LAP3: variants seen among roughly 807,000 people sequenced by gnomAD.
The protein encoded by LAP3 is cytosol aminopeptidase.
LAP3 carries 46 observed loss-of-function variants against 58.8 expected under a neutral mutation model. That is an observed-to-expected ratio of 0.78 (90% CI 0.62 to 1.00). The LOEUF (loss-of-function observed/expected upper bound fraction) is 1.00, where lower values mean the gene tolerates loss of function less well. Among genes scored for constraint, LAP3 ranks in the 50% least tolerant of loss-of-function variants. The probability of loss-of-function intolerance (pLI) is 0.00; values close to 1 mark genes in which losing one functional copy is unlikely to be tolerated. For missense variants in LAP3, 615 were observed against 659.1 expected, an observed-to-expected ratio of 0.93 and a Z score of 0.73; for synonymous variants, 257 against 237.7, an observed-to-expected ratio of 1.08 and a Z score of -0.75.
intron 4 of LAP3, 167 bp from the exon 5 acceptor site, chr4:17,583,316 C>T (rs1451041372): frequency 1.8e-5 from 13 of 730,986 alleles, no homozygotes; most frequent in African/African-American, 3.5e-5. Flanking sequence ...AATGCACTCA[C>T]GTCTTCATTT....
chr4:17,601,395 T>C (rs1219277769), intron 10 of LAP3, among the ~76,000 whole-genome samples: 2 of 152,222 alleles, frequency 1.3e-5, no homozygotes, highest in Non-Finnish European at 2.9e-5. Context: ...CTGCCATTTT[T>C]TATTACTTTA....
At chr4:17,604,481 TGAG>T (rs1714067070) in intron 10 of LAP3, 104 bp from the exon 11 acceptor site, 4 of 709,018 alleles carry the variant, frequency 5.6e-6, no homozygotes, top group Non-Finnish European at 1.0e-5. Context: ...TTTTTGAAAA[TGAG>T]GAAGCCATTA....
At chr4:17,582,547 A>G (rs1289465933) in intron 4 of LAP3, 154 bp downstream of exon 4, 4 of 619,396 alleles carry the variant, frequency 6.5e-6, no homozygotes, top group African/African-American at 1.9e-5. Flanking sequence ...CTTGCTGAAT[A>G]TGGTTGGCCT....
At chr4:17,592,395 C>T (rs1003102620) in intron 7 of LAP3, among the ~76,000 whole-genome samples, 1 of 152,184 alleles carries the variant, frequency 6.6e-6, no homozygotes, top group African/African-American at 2.4e-5. Context: ...TCATGTCAGC[C>T]ATTCTTCTTT....
At position 17,600,560 on chromosome 4, in the gene LAP3, T is replaced by C. The variant is rs146788540; in HGVS notation, c.1180+2002T>C. Among the ~76,000 whole-genome samples, 168 of 152,290 alleles carry C rather than the reference T, an allele frequency of 1.1e-3. 1 individual carries two copies. Among genetic ancestry groups the C allele is most frequent in the African/African-American group, 3.6e-3 (148 of 41,568 alleles). On this transcript the variant is annotated intron_variant, in intron 10 of 12. Transcript: ENST00000226299. ...TTGGGGAATACTTTTCCTAGATGCTTAATAGCAGCATTCTACCCCACTTTT... is the reference window on the plus strand; with the variant it reads ...TTGGGGAATACTTTTCCTAGATGCTCAATAGCAGCATTCTACCCCACTTTT...
Position 17,607,506 on chromosome 4 carries a change from C to G in LAP3, c.1477C>G (p.Pro493Ala), listed in dbSNP as rs1714171851. 1 of 1,613,986 alleles carries G rather than the reference C, an allele frequency of 6.2e-7. No homozygotes were observed. Among genetic ancestry groups the G allele is most frequent in the Non-Finnish European group, 8.5e-7 (1 of 1,180,010 alleles). Residue 493 changes from proline (P) to alanine (A), a missense_variant, in exon 13 of 13, where the codon CCC (proline) becomes GCC (alanine). Pro to Ala is a conservative substitution (Grantham distance 27, BLOSUM62 -1). Coordinates refer to ENST00000226299, the MANE Select transcript of LAP3 (RefSeq NM_015907.3). ...AGVMTNKDEV[P>A]YLRKGMTGRP... ...CGTGATGACCAACAAAGATGAAGTT[C>G]CCTATCTACGGAAAGGCATGACTGG...
rs201119875 is a variant in LAP3, at chr4:17,598,499, C to T, written c.1121C>T (p.Ala374Val). The change falls in exon 10 of 13, where the codon GCG becomes GTG. Residue 374 changes from alanine (A) to valine (V), a missense_variant. By Grantham distance (64) the Ala-to-Val change is moderately conservative. Transcript: ENST00000226299. ...GAGGGGAGGCTCATACTGGCTGATG[C>T]GCTCTGTTACGCACACACGTTTAAC... is the stretch of plus-strand genomic sequence containing the variant. ...DAEGRLILAD[A>V]LCYAHTFNPK... 1.0e-4 allele frequency: 165 copies of T among 1,614,096 alleles called. 1 individual carries two copies. The highest frequency in any genetic ancestry group is 8.0e-4 in the Admixed American group (48 of 60,010).
intron 1 of LAP3, among the ~76,000 whole-genome samples, chr4:17,579,241 G>C (rs1713287911): frequency 6.6e-6 from 1 of 152,086 alleles, no homozygotes; most frequent in African/African-American, 2.4e-5. Flanking sequence ...AGAAGATAAG[G>C]GTGAGTTCAG....
chr4:17,604,531 G>C lies in LAP3; in HGVS notation c.1181-57G>C. Reference sequence around the variant, plus strand: ...TGCTAAGGTTTCCATCTGGGTGGCGGAGGAGCCCATTTTGCCTGGAGAGAC... The same window carrying C: ...TGCTAAGGTTTCCATCTGGGTGGCGCAGGAGCCCATTTTGCCTGGAGAGAC... On this transcript the variant is annotated intron_variant, in intron 10 of 12. Transcript: ENST00000226299. 3.1e-6 allele frequency: 4 copies of C among 1,278,250 alleles called. No homozygotes were observed. In the South Asian group the frequency reaches 4.8e-5, roughly 15 times the overall value. 79.2% of individuals were successfully genotyped at this position (1,278,250 alleles called of 1,614,324 possible). A position where few individuals can be genotyped will look rare whatever the true frequency, so the allele number is the denominator to read the frequency against.
chr4:17,591,368 C>G (rs1713686324), intron 7 of LAP3, among the ~76,000 whole-genome samples: 1 of 150,362 alleles, frequency 6.7e-6, no homozygotes, highest in Non-Finnish European at 1.5e-5. Context: ...GTCTCAAACT[C>G]CTGATCTCGT....
At chr4:17,582,209 T>C in intron 3 of LAP3, 79 bp from the exon 4 acceptor site, 1 of 1,103,128 alleles carries the variant, frequency 9.1e-7, no homozygotes, top group Non-Finnish European at 1.4e-6. Context: ...GCTCAGTGAG[T>C]CTCCACATGT....
Position 17,579,940 on chromosome 4 carries a change from G to T in LAP3, c.218+1G>T. ...GAAAGCTGAGAGAGACTTTGAACAT[G>T]TAAGTGTTGCTTGTGGGCTCTAGTT... On this transcript the variant is annotated splice_donor_variant, in intron 2 of 12. Transcript: ENST00000226299. LOFTEE classifies it high-confidence loss of function. 1.3e-6 allele frequency: 2 copies of T among 1,550,584 alleles called. No homozygotes were observed. The highest frequency in any genetic ancestry group is 1.1e-5 in the South Asian group (1 of 88,708).
Position 17,577,327 on chromosome 4 carries a change from G to A in LAP3, c.-139G>A, listed in dbSNP as rs759269707. The stretch of plus-strand genomic sequence containing the variant: ...TGCTGCCCATCCGTCCCGCCCCCTA[G>A]ACGCACGTCCGCTCGCCCGGCGCCC... On this transcript the variant is annotated 5_prime_UTR_variant, in exon 1 of 13. Coordinates refer to ENST00000226299, the MANE Select transcript of LAP3 (RefSeq NM_015907.3). 2 of 343,058 alleles carry A rather than the reference G, an allele frequency of 5.8e-6. No homozygotes were observed. Among genetic ancestry groups the A allele is most frequent in the African/African-American group, 7.0e-5 (2 of 28,744 alleles). The allele number at this position is 343,058 out of a possible 1,614,324, so 21.3% of individuals were successfully genotyped here.
At chr4:17,577,913 C>T (rs1713253879) in intron 1 of LAP3, among the ~76,000 whole-genome samples, 1 of 152,140 alleles carries the variant, frequency 6.6e-6, no homozygotes, top group African/African-American at 2.4e-5. Flanking sequence ...TTGGAGGAAG[C>T]CCGAGTTTGC....
At chr4:17,598,761 C>CTT (rs58100960) in intron 10 of LAP3, among the ~76,000 whole-genome samples, 11 of 151,318 alleles carry the variant, frequency 7.3e-5, no homozygotes, top group Admixed American at 2.0e-4. Context: ...CCAAGCTGTA[C>CTT]TTTTTTTTTG....
At chr4:17,603,322 A>G (rs1475820216) in intron 10 of LAP3, among the ~76,000 whole-genome samples, 2 of 151,856 alleles carry the variant, frequency 1.3e-5, no homozygotes, top group Non-Finnish European at 2.9e-5. Flanking sequence ...AAGGAGGAAC[A>G]CATGCTTGAG....
At position 17,595,459 on chromosome 4, in the gene LAP3, G is replaced by T. The variant is rs2109022190; in HGVS notation, c.913G>T (p.Asp305Tyr). 1.2e-6 allele frequency: 2 copies of T among 1,613,962 alleles called. No homozygotes were observed. The highest frequency in any genetic ancestry group is 2.2e-5 in the East Asian group (1 of 44,828). The change falls in exon 8 of 13, where the codon GAC (aspartate) becomes TAC (tyrosine). Residue 305 changes from aspartate to tyrosine, a missense_variant. Transcript: ENST00000226299. ...TGCAAATATGGACCTCATGAGGGCT[G>T]ACATGGGAGGAGCTGCAACTATATG... ...ASANMDLMRA[D>Y]MGGAATICSA...
chr4:17,598,637 C>T, intron 10 of LAP3, 79 bp downstream of exon 10: 1 of 1,036,768 alleles, frequency 9.6e-7, no homozygotes. Flanking sequence ...ATACTTGTGG[C>T]ATTATTTTGC....
chr4:17,584,867 A>G (rs1322444171), intron 5 of LAP3, 105 bp from the exon 6 acceptor site: 2 of 1,100,866 alleles, frequency 1.8e-6, no homozygotes, highest in Admixed American at 2.7e-5. Flanking sequence ...TTTGATTTGT[A>G]GTCTTCCTCT....
Sources: gnomAD v4.1 joint callset for allele counts (sites outside exome capture counted in the v4.1 genomes callset) on GRCh38, gnomAD v4.1.1 for gene constraint, MANE v1.5 for transcripts, NCBI Gene and HGNC (gene_info 2026-07-23, HGNC 2026-07-21) for gene names.